RAB10: variants seen among roughly 807,000 people sequenced by gnomAD.
RAB10 encodes RAB10, member RAS oncogene family, also known as ras-related protein Rab-10.
RAB10 carries 5 observed loss-of-function variants against 25.7 expected under a neutral mutation model. That is an observed-to-expected ratio of 0.19 (90% CI 0.10 to 0.41). The LOEUF is 0.41. Ranked by LOEUF, RAB10 falls within the 10% of genes least tolerant of loss-of-function variation. The pLI is 1.00. For synonymous variants in RAB10, 89 were observed against 86.4 expected, an observed-to-expected ratio of 1.03 and a Z score of -0.16; for missense variants, 103 against 245.8, an observed-to-expected ratio of 0.42 and a Z score of 3.89.
intron 5 of RAB10, among the ~76,000 whole-genome samples, chr2:26,133,679 C>A (rs192982534): frequency 3.8e-4 from 57 of 150,730 alleles, no homozygotes; most frequent in East Asian, 3.3e-3. Context: ...TTTTCTTTTT[C>A]TTTTTATTTT....
chr2:26,098,540 A>G (rs1179690356), intron 1 of RAB10, 122 bp from the exon 2 acceptor site: 6 of 716,002 alleles, frequency 8.4e-6, no homozygotes, highest in Non-Finnish European at 1.4e-5. Context: ...ATACTTGGTG[A>G]ATATCTGGAA....
intron 2 of RAB10, among the ~76,000 whole-genome samples, chr2:26,108,882 TTTATTTATTTATTTATTTA>T (rs1667517830): frequency 4.0e-4 from 2 of 4,996 alleles, no homozygotes; most frequent in Non-Finnish European, 2.6e-3. Flanking sequence ...TTGCTTTATA[TTTATTTATTTATTTATTTA>T]TTTATTTATT....
At chr2:26,122,521 G>A (rs190174816) in intron 3 of RAB10, among the ~76,000 whole-genome samples, 4,400 of 152,004 alleles carry the variant, frequency 0.029, 198 homozygotes, top group African/African-American at 0.1. Flanking sequence ...CCAGCCACTC[G>A]GGAGGCTGAG....
intron 1 of RAB10, among the ~76,000 whole-genome samples, chr2:26,092,950 G>A (rs1667139786): frequency 6.6e-6 from 1 of 152,140 alleles, no homozygotes; most frequent in Middle Eastern, 3.2e-3. Flanking sequence ...ACATAATGGG[G>A]CAAGCTGAAA....
At position 26,135,216 on chromosome 2, in the gene RAB10, A is replaced by C; in HGVS notation, c.*195A>C. On this transcript the variant is annotated 3_prime_UTR_variant, in exon 6 of 6. Coordinates refer to ENST00000264710, the MANE Select transcript of RAB10 (RefSeq NM_016131.5). ...ATCATAATTTTCTTCAAACAAAAAAATGTATAGAAAAATCATGTCTGTGAG... is the reference window on the plus strand; with the variant it reads ...ATCATAATTTTCTTCAAACAAAAAACTGTATAGAAAAATCATGTCTGTGAG... 1 of 498,054 alleles carries C rather than the reference A, an allele frequency of 2.0e-6. No homozygotes were observed. Among genetic ancestry groups the C allele is most frequent in the Non-Finnish European group, 3.5e-6 (1 of 282,732 alleles). 30.9% of individuals were successfully genotyped at this position (498,054 alleles called of 1,614,324 possible). A position where few individuals can be genotyped will look rare whatever the true frequency, so the allele number is the denominator to read the frequency against.
rs1012320299 is a variant in RAB10 at position 26,113,757 on chromosome 2, A to AAAG, written c.327+3853_327+3854insGAA. ...CCAGCCAGAGCTAAAAAAAAAAAAA[A>AAAG]AAAGAAAGAAAGAAAAAAAGCCATC... On this transcript the variant is annotated intron_variant, in intron 3 of 5. Transcript: ENST00000264710. 3.5e-4 allele frequency among the ~76,000 whole-genome samples: 53 copies of AAAG among 149,296 alleles called. 2 individuals carry two copies. In the South Asian group the frequency reaches 0.01, roughly 29 times the overall value.
intron 1 of RAB10, among the ~76,000 whole-genome samples, chr2:26,064,994 G>C (rs2149268488): frequency 6.6e-6 from 1 of 152,292 alleles, no homozygotes; most frequent in East Asian, 1.9e-4. Flanking sequence ...GGAGTTAGAG[G>C]CTGCAGTGAG....
intron 1 of RAB10, among the ~76,000 whole-genome samples, chr2:26,078,831 A>C (rs1283680483): frequency 1.3e-5 from 2 of 152,208 alleles, no homozygotes; most frequent in Non-Finnish European, 2.9e-5. Context: ...AAACACTGCA[A>C]GCCAAACAAA....
At chr2:26,079,409 C>T (rs1043243747) in intron 1 of RAB10, among the ~76,000 whole-genome samples, 1 of 151,324 alleles carries the variant, frequency 6.6e-6, no homozygotes, top group Non-Finnish European at 1.5e-5. Context: ...ATAATGACAG[C>T]TGGGTTTCTC....
chr2:26,109,564 G>A (rs1360298208), intron 2 of RAB10, among the ~76,000 whole-genome samples: 2 of 152,150 alleles, frequency 1.3e-5, no homozygotes, highest in African/African-American at 2.4e-5. Flanking sequence ...GTGTTTGCTA[G>A]TGCTTATTCA....
At chr2:26,128,469 C>A (rs1667946768) in intron 5 of RAB10, among the ~76,000 whole-genome samples, 1 of 152,148 alleles carries the variant, frequency 6.6e-6, no homozygotes. Context: ...TCAGTGGTAA[C>A]CATTAATATT....
At chr2:26,051,138 A>G (rs1211231582) in intron 1 of RAB10, among the ~76,000 whole-genome samples, 2 of 151,402 alleles carry the variant, frequency 1.3e-5, no homozygotes, top group Admixed American at 6.6e-5. Context: ...GGGCCTCACT[A>G]TGTTGTCCAG....
At chr2:26,066,368 G>T (rs2149268907) in intron 1 of RAB10, among the ~76,000 whole-genome samples, 1 of 152,256 alleles carries the variant, frequency 6.6e-6, no homozygotes, top group African/African-American at 2.4e-5. Flanking sequence ...TTTTACAGCT[G>T]CATGTATTGT....
chr2:26,123,411 C>T lies in RAB10; in HGVS notation c.328-3733C>T, dbSNP rs111439424. Reference sequence around the variant, plus strand: ...TCATGAAAATCTGGAGGAATTACACCGCTGAAGATGCCATCGTTATAGAAA... The same window carrying T: ...TCATGAAAATCTGGAGGAATTACACTGCTGAAGATGCCATCGTTATAGAAA... On this transcript the variant is annotated intron_variant, in intron 3 of 5. Coordinates refer to ENST00000264710, the MANE Select transcript of RAB10 (RefSeq NM_016131.5). 7.2e-5 allele frequency among the ~76,000 whole-genome samples: 11 copies of T among 152,236 alleles called. 1 individual carries two copies. The highest frequency in any genetic ancestry group is 2.2e-4 in the African/African-American group (9 of 41,558).
intron 1 of RAB10, among the ~76,000 whole-genome samples, chr2:26,082,886 A>G (rs186409697): frequency 1.3e-5 from 2 of 152,312 alleles, no homozygotes; most frequent in African/African-American, 4.8e-5. Context: ...TATGAAAAGA[A>G]TAATACATCA....
intron 1 of RAB10, among the ~76,000 whole-genome samples, chr2:26,095,563 C>T (rs968350986): frequency 6.6e-5 from 10 of 151,216 alleles, no homozygotes; most frequent in African/African-American, 2.2e-4. Flanking sequence ...ACTGAGATAG[C>T]GCAATTGCAC....
intron 5 of RAB10, among the ~76,000 whole-genome samples, chr2:26,129,326 A>T (rs1443151895): frequency 2.0e-5 from 3 of 151,854 alleles, no homozygotes; most frequent in Non-Finnish European, 4.4e-5. Flanking sequence ...AGAGAAGCAG[A>T]TGTTGTATAG....
chr2:26,113,757 A>AAAAG (rs1199221167), intron 3 of RAB10, among the ~76,000 whole-genome samples: 2 of 149,310 alleles, frequency 1.3e-5, no homozygotes, highest in South Asian at 2.1e-4. Context: ...AAAAAAAAAA[A>AAAAG]AAAGAAAGAA....
intron 3 of RAB10, among the ~76,000 whole-genome samples, chr2:26,117,863 T>C (rs560080749): frequency 6.6e-6 from 1 of 152,298 alleles, no homozygotes; most frequent in East Asian, 1.9e-4. Flanking sequence ...ATAACTACCT[T>C]GGCTATAGAG....
Sources: gnomAD v4.1 joint callset for allele counts (sites outside exome capture counted in the v4.1 genomes callset) on GRCh38, gnomAD v4.1.1 for gene constraint, MANE v1.5 for transcripts, NCBI Gene and HGNC (gene_info 2026-07-23, HGNC 2026-07-21) for gene names.